The following RMST variants were observed in gnomAD, a reference collection of about 807,000 sequenced individuals.
The protein encoded by RMST is long intergenic non-protein coding RNA 54.
rs1049721841 is a variant in RMST at position 97,499,987 on chromosome 12, G to C, written n.1340+3931G>C. 2.0e-5 allele frequency among the ~76,000 whole-genome samples: 3 copies of C among 152,128 alleles called. No homozygotes were observed. In the East Asian group the frequency reaches 5.9e-4, roughly 30 times the overall value. Reference sequence around the variant, plus strand: ...GTCTTCTTTTTACTCATTACAACTAGCCCCTCATGCATGTTTTTAAAAAGA... The same window carrying C: ...GTCTTCTTTTTACTCATTACAACTACCCCCTCATGCATGTTTTTAAAAAGA... On this transcript the variant is annotated intron_variant and non_coding_transcript_variant, in intron 10 of 13. Transcript: ENST00000640149.
intron 5 of RMST, among the ~76,000 whole-genome samples, chr12:97,466,156 A>G (rs1293424708): frequency 5.3e-5 from 8 of 152,184 alleles, no homozygotes; most frequent in South Asian, 2.1e-4. Context: ...AAGCATGCCT[A>G]TATTATTGTA....
chr12:97,557,621 A>C (rs1338762837), intron 11 of RMST, among the ~76,000 whole-genome samples: 2 of 152,184 alleles, frequency 1.3e-5, no homozygotes, highest in Non-Finnish European at 2.9e-5. Context: ...GGTAAAACAA[A>C]GTCCATGTTT....
intron 10 of RMST, among the ~76,000 whole-genome samples, chr12:97,497,526 G>A (rs751202394): frequency 5.9e-5 from 9 of 152,024 alleles, no homozygotes; most frequent in African/African-American, 1.5e-4. Context: ...CACTGACCAG[G>A]GCAACTCCAC....
At chr12:97,532,566 A>G (rs888692832) in intron 11 of RMST, 19 of 146,668 alleles carry the variant, frequency 1.3e-4, no homozygotes, top group African/African-American at 4.3e-4. Flanking sequence ...GAGATTTGGT[A>G]TTGTCAGAAC....
chr12:97,540,941 G>GATATAGAT lies in RMST; in HGVS notation n.1545+10085_1545+10086insTAGATATA, dbSNP rs145936227. Among the ~76,000 whole-genome samples, 108 of 145,590 alleles carry GATATAGAT rather than the reference G, an allele frequency of 7.4e-4. No homozygotes were observed. The Middle Eastern group carries it at 0.015, about 20-fold the overall frequency. Reference sequence around the variant, plus strand: ...AGATAGATAAATAGATAGAGAGATAGATAGATATAGATATAGATATAGATA... The same window carrying GATATAGAT: ...AGATAGATAAATAGATAGAGAGATAGATATAGATATAGATATAGATATAGATATAGATA... On this transcript the variant is annotated intron_variant and non_coding_transcript_variant, in intron 11 of 13. Transcript: ENST00000640149.
Position 97,487,873 on chromosome 12 carries a change from T to C in RMST, n.645-4588T>C, listed in dbSNP as rs562288122. On this transcript the variant is annotated intron_variant and non_coding_transcript_variant, in intron 5 of 13. Coordinates refer to ENST00000640149, the Ensembl canonical transcript of RMST. ...GACGTCTCTTGCCAGTAGAAGTCAT[T>C]TGTGTCTTTCCTTGTGTTTCCATTT... Among the ~76,000 whole-genome samples, 12 of 152,308 alleles carry C rather than the reference T, an allele frequency of 7.9e-5. No individual in the cohort carries two copies. In the East Asian group the frequency reaches 1.5e-3, roughly 20 times the overall value.
intron 5 of RMST, among the ~76,000 whole-genome samples, chr12:97,467,091 T>C (rs1189159405): frequency 6.6e-6 from 1 of 152,024 alleles, no homozygotes; most frequent in East Asian, 1.9e-4. Context: ...GGTTTTACTT[T>C]GTTTGCCAGA....
chr12:97,480,430 A>C (rs930382842), intron 5 of RMST, among the ~76,000 whole-genome samples: 2 of 152,004 alleles, frequency 1.3e-5, no homozygotes, highest in Non-Finnish European at 2.9e-5. Flanking sequence ...GATCACTACC[A>C]CTGTTGTAGT....
intron 11 of RMST, among the ~76,000 whole-genome samples, chr12:97,540,283 G>T (rs1882401212): frequency 6.6e-6 from 1 of 151,742 alleles, no homozygotes; most frequent in Admixed American, 6.6e-5. Flanking sequence ...AACTCCATTT[G>T]TAACTGTCAA....
intron 4 of RMST, among the ~76,000 whole-genome samples, chr12:97,464,404 T>C (rs1051852604): frequency 1.3e-5 from 2 of 152,306 alleles, no homozygotes; most frequent in Middle Eastern, 6.8e-3. Flanking sequence ...CAGGTCCCCA[T>C]TTACAAGATC....
chr12:97,483,888 T>C (rs1875762591), intron 5 of RMST, among the ~76,000 whole-genome samples: 1 of 152,212 alleles, frequency 6.6e-6, no homozygotes, highest in African/African-American at 2.4e-5. Flanking sequence ...GTATGTAATG[T>C]ATCATTCCAT....
intron 13 of RMST, among the ~76,000 whole-genome samples, chr12:97,562,189 G>T (rs920476959): frequency 1.3e-5 from 2 of 152,162 alleles, no homozygotes; most frequent in Non-Finnish European, 1.5e-5. Context: ...TCCAAAGGAT[G>T]CAGGTCCAAA....
At chr12:97,553,938 CTTTTCTTTCTCTTTTTTTTT>C (rs959953727) in intron 11 of RMST, among the ~76,000 whole-genome samples, 1 of 138,958 alleles carries the variant, frequency 7.2e-6, no homozygotes, top group Non-Finnish European at 1.6e-5. Context: ...GGTGATTTTT[CTTTTCTTTCTCTTTTTTTTT>C]TTTTTTTTTT....
At chr12:97,481,649 C>T (rs1314946322) in intron 5 of RMST, among the ~76,000 whole-genome samples, 4 of 152,156 alleles carry the variant, frequency 2.6e-5, no homozygotes. Context: ...CCAAACAAGC[C>T]TGGCCGGTGT....
At chr12:97,484,330 C>T (rs1406620361) in intron 5 of RMST, among the ~76,000 whole-genome samples, 1 of 152,102 alleles carries the variant, frequency 6.6e-6, no homozygotes, top group Non-Finnish European at 1.5e-5. Context: ...AAGTGGATAC[C>T]ATTCTGACAT....
intron 11 of RMST, among the ~76,000 whole-genome samples, chr12:97,537,264 T>G (rs1882146252): frequency 6.6e-6 from 1 of 151,390 alleles, no homozygotes; most frequent in Non-Finnish European, 1.5e-5. Context: ...CATTAACCAT[T>G]TGAGTCCTGC....
At chr12:97,506,894 G>C (rs1000196606) in intron 10 of RMST, among the ~76,000 whole-genome samples, 1 of 151,992 alleles carries the variant, frequency 6.6e-6, no homozygotes, top group African/African-American at 2.4e-5. Flanking sequence ...ATGTTGGCCA[G>C]GCTGGTCTTG....
intron 10 of RMST, among the ~76,000 whole-genome samples, chr12:97,502,148 C>T (rs1878146424): frequency 6.6e-6 from 1 of 152,020 alleles, no homozygotes; most frequent in African/African-American, 2.4e-5. Flanking sequence ...AGAAAGAATC[C>T]TTGTTTGTCT....
chr12:97,466,783 G>T (rs1873242949), intron 5 of RMST, among the ~76,000 whole-genome samples: 1 of 152,050 alleles, frequency 6.6e-6, no homozygotes, highest in Non-Finnish European at 1.5e-5. Context: ...GCTGGTAATT[G>T]TTTCTTGTAT....
Sources: allele counts gnomAD v4.1 joint callset (sites outside exome capture counted in the v4.1 genomes callset), GRCh38; gene constraint gnomAD v4.1.1; transcripts MANE v1.5; gene names NCBI Gene and HGNC (gene_info 2026-07-23, HGNC 2026-07-21).